CLVS1: variants seen among roughly 807,000 people sequenced by gnomAD.
CLVS1 encodes the protein clavesin-1.
A neutral mutation model predicts 33.1 loss-of-function variants in CLVS1; 10 were observed. That is an observed-to-expected ratio of 0.30 (90% confidence interval 0.19 to 0.51). CLVS1 has a LOEUF of 0.51. CLVS1 is among the 20% of genes least tolerant of loss of function. The pLI, the probability that CLVS1 is intolerant of heterozygous loss-of-function variation, is 0.97. For synonymous variants in CLVS1, 163 were observed against 166.1 expected, an observed-to-expected ratio of 0.98 and a Z score of 0.14; for missense variants, 343 against 433.4, an observed-to-expected ratio of 0.79 and a Z score of 1.85.
At chr8:61,449,587 T>A (rs1399659233) in intron 3 of CLVS1, among the ~76,000 whole-genome samples, 2 of 152,226 alleles carry the variant, frequency 1.3e-5, no homozygotes, top group Non-Finnish European at 2.9e-5. Context: ...ATAGAGCAGC[T>A]ACTATCTAAA....
the CLVS1 span, among the ~76,000 whole-genome samples, chr8:61,021,276 A>G: frequency 1.6e-4 from 25 of 152,284 alleles, 1 homozygote; most frequent in Middle Eastern, 6.8e-3. Flanking sequence ...TTCTCCTTGG[A>G]TGGCTGGTCT....
At chr8:61,467,674 C>T (rs2129607577) in intron 5 of CLVS1, among the ~76,000 whole-genome samples, 1 of 152,278 alleles carries the variant, frequency 6.6e-6, no homozygotes, top group South Asian at 2.1e-4. Flanking sequence ...GTAGTTCCTG[C>T]CATGGCCAGC....
chr8:61,346,810 A>C (rs549176902), intron 2 of CLVS1, among the ~76,000 whole-genome samples: 1 of 152,308 alleles, frequency 6.6e-6, no homozygotes, highest in East Asian at 1.9e-4. Context: ...GTGTAAGCAC[A>C]AATGTGATCA....
At chr8:61,021,562 A>G in the CLVS1 span, among the ~76,000 whole-genome samples, 1 of 148,950 alleles carries the variant, frequency 6.7e-6, no homozygotes, top group Non-Finnish European at 1.5e-5. Context: ...GGGTTTCACC[A>G]TGTTGACCAG....
the CLVS1 span, among the ~76,000 whole-genome samples, chr8:60,980,020 A>G: frequency 6.6e-6 from 1 of 152,196 alleles, no homozygotes; most frequent in African/African-American, 2.4e-5. Flanking sequence ...TAAGTTCCTC[A>G]TTCAACACTT....
At chr8:61,024,767 T>C in the CLVS1 span, among the ~76,000 whole-genome samples, 1 of 152,222 alleles carries the variant, frequency 6.6e-6, no homozygotes, top group Non-Finnish European at 1.5e-5. Flanking sequence ...TACAACTTTC[T>C]CTTAGAAATT....
chr8:61,232,041 T>TTTTTTTTTTTTTTTTTG lies in CLVS1; in HGVS notation c.-151-67627_-151-67626insTTTTTTTGTTTTTTTTT, dbSNP rs1554548394. On this transcript the variant is annotated intron_variant, in intron 2 of 2. Coordinates refer to the CLVS1 transcript ENST00000522621. ...AGTTGTGGTTTTTTTTTTTTTTTTT[T>TTTTTTTTTTTTTTTTTG]TTTTTTTTTGTGAGATGGAGTCTCG... Among the ~76,000 whole-genome samples, 56 of 116,010 alleles carry TTTTTTTTTTTTTTTTTG rather than the reference T, an allele frequency of 4.8e-4. No homozygotes were observed. In the East Asian group the frequency reaches 4.9e-3, roughly 10 times the overall value. 76.1% of individuals were successfully genotyped at this position (116,010 alleles called of 152,430 possible). A position where few individuals can be genotyped will look rare whatever the true frequency, so the allele number is the denominator to read the frequency against.
chr8:61,404,110 T>C (rs1484620267), intron 3 of CLVS1, among the ~76,000 whole-genome samples: 1 of 152,146 alleles, frequency 6.6e-6, no homozygotes, highest in East Asian at 1.9e-4. Context: ...CGGATAAATA[T>C]GGATGGGTGA....
At chr8:61,467,684 C>T (rs1817597071) in intron 5 of CLVS1, among the ~76,000 whole-genome samples, 1 of 152,198 alleles carries the variant, frequency 6.6e-6, no homozygotes, top group Non-Finnish European at 1.5e-5. Context: ...CCATGGCCAG[C>T]AGGGGGAGAA....
chr8:61,098,388 C>T (rs1031401571), intron 1 of CLVS1, among the ~76,000 whole-genome samples: 2 of 139,616 alleles, frequency 1.4e-5, no homozygotes, highest in African/African-American at 5.4e-5. Context: ...TTAAAATTCC[C>T]TTTTAGGGAA....
intron 2 of CLVS1, among the ~76,000 whole-genome samples, chr8:61,244,760 G>A (rs1808772685): frequency 1.3e-5 from 2 of 152,056 alleles, no homozygotes; most frequent in Middle Eastern, 3.2e-3. Context: ...GGGGAACTCT[G>A]TATTTTCTGC....
intron 3 of CLVS1, among the ~76,000 whole-genome samples, chr8:61,387,160 G>A (rs1814116745): frequency 6.6e-6 from 1 of 152,192 alleles, no homozygotes; most frequent in Non-Finnish European, 1.5e-5. Context: ...GGCCGAAGTG[G>A]GCAGATCACC....
At chr8:61,414,957 A>C (rs571926456) in intron 3 of CLVS1, among the ~76,000 whole-genome samples, 13 of 152,318 alleles carry the variant, frequency 8.5e-5, no homozygotes, top group African/African-American at 2.9e-4. Flanking sequence ...TATTCTCCTT[A>C]CTTCATTGTA....
intron 2 of CLVS1, among the ~76,000 whole-genome samples, chr8:61,203,625 G>A (rs1411567668): frequency 6.6e-6 from 1 of 152,078 alleles, no homozygotes; most frequent in Non-Finnish European, 1.5e-5. Flanking sequence ...CTAATCAAAT[G>A]GGGAGGAAAG....
At chr8:60,997,008 A>G in the CLVS1 span, among the ~76,000 whole-genome samples, 1 of 149,130 alleles carries the variant, frequency 6.7e-6, no homozygotes, top group African/African-American at 2.5e-5. Flanking sequence ...ATATTTCAAG[A>G]GTATAAATAA....
chr8:61,266,178 A>G (rs1296897617), intron 2 of CLVS1, among the ~76,000 whole-genome samples: 2 of 152,214 alleles, frequency 1.3e-5, no homozygotes. Flanking sequence ...TGTCCTGGGA[A>G]ACAGCTTACT....
At chr8:61,292,240 T>C (rs1398099198) in intron 1 of CLVS1, 1 of 421,046 alleles carries the variant, frequency 2.4e-6, no homozygotes, top group East Asian at 7.1e-5. Flanking sequence ...CTATTTCTAA[T>C]TGAGGAGAAA....
intron 2 of CLVS1, among the ~76,000 whole-genome samples, chr8:61,325,488 C>G (rs145340915): frequency 3.1e-4 from 47 of 152,252 alleles, no homozygotes; most frequent in Non-Finnish European, 5.3e-4. Flanking sequence ...CATTGTGACT[C>G]TCTTAAAAAC....
At chr8:61,417,212 G>C (rs1815472764) in intron 3 of CLVS1, among the ~76,000 whole-genome samples, 2 of 152,122 alleles carry the variant, frequency 1.3e-5, no homozygotes, top group African/African-American at 4.8e-5. Context: ...GAAAGACAAT[G>C]ATCTCTAAAC....
Sources: allele counts gnomAD v4.1 joint callset (sites outside exome capture counted in the v4.1 genomes callset), GRCh38; gene constraint gnomAD v4.1.1; transcripts MANE v1.5; gene names NCBI Gene and HGNC (gene_info 2026-07-23, HGNC 2026-07-21).